CCDC102B: variants seen among roughly 807,000 people sequenced by gnomAD.
The protein encoded by CCDC102B is coiled-coil domain containing 102B, also known as coiled-coil domain-containing protein 102B.
CCDC102B carries 75 observed loss-of-function variants against 57.4 expected under a neutral mutation model. That is an observed-to-expected ratio of 1.31 (90% CI 1.08 to 1.58). The LOEUF (loss-of-function observed/expected upper bound fraction) is 1.58. Among genes scored for constraint, CCDC102B ranks in the 40% most tolerant of loss-of-function variants. The pLI is 0.00. For synonymous variants in CCDC102B, 206 were observed against 201.9 expected (o/e 1.02, Z -0.17); for missense variants, 636 against 582.6 (o/e 1.09, Z -0.94).
intron 3 of CCDC102B, among the ~76,000 whole-genome samples, chr18:68,844,045 A>G (rs1247408301): frequency 6.6e-6 from 1 of 151,998 alleles, no homozygotes. Flanking sequence ...CCCCTAACCA[A>G]ATGGTAACCT....
At chr18:68,847,538 A>C (rs2037928282) in intron 4 of CCDC102B, among the ~76,000 whole-genome samples, 1 of 151,882 alleles carries the variant, frequency 6.6e-6, no homozygotes, top group South Asian at 2.1e-4. Flanking sequence ...AATATACTGA[A>C]AAAGTCAAGT....
chr18:68,909,076 A>G (rs1028592908), intron 6 of CCDC102B, among the ~76,000 whole-genome samples: 2 of 149,106 alleles, frequency 1.3e-5, no homozygotes, highest in East Asian at 1.9e-4. Flanking sequence ...TTCCAAAGAC[A>G]TAGTTTGGCA....
chr18:68,959,539 C>T (rs1418678517), intron 6 of CCDC102B, among the ~76,000 whole-genome samples: 2 of 151,986 alleles, frequency 1.3e-5, no homozygotes, highest in African/African-American at 2.4e-5. Context: ...CCTAAGGGCT[C>T]GATATTCTGC....
chr18:69,001,332 T>A (rs192593388), intron 6 of CCDC102B, among the ~76,000 whole-genome samples: 221 of 143,228 alleles, frequency 1.5e-3, no homozygotes, highest in Non-Finnish European at 2.6e-3. Flanking sequence ...GTTGTTGTTG[T>A]TTGCTGTTGT....
At chr18:68,989,350 A>G (rs547306634) in intron 6 of CCDC102B, among the ~76,000 whole-genome samples, 1 of 152,332 alleles carries the variant, frequency 6.6e-6, no homozygotes, top group East Asian at 1.9e-4. Context: ...AAAATTACCT[A>G]TATTCTGAAA....
At chr18:68,839,917 G>A (rs1385962054) in intron 3 of CCDC102B, among the ~76,000 whole-genome samples, 1 of 152,166 alleles carries the variant, frequency 6.6e-6, no homozygotes, top group East Asian at 1.9e-4. Context: ...TCAATGGAAG[G>A]AGTGTGAAAA....
chr18:68,857,266 A>AAT (rs369148222), intron 4 of CCDC102B, among the ~76,000 whole-genome samples: 567 of 55,322 alleles, frequency 0.01, 79 homozygotes, highest in East Asian at 0.035. Context: ...TAAATATATA[A>AAT]ATATATATAT....
chr18:68,750,131 A>G (rs559032674), intron 2 of CCDC102B, among the ~76,000 whole-genome samples: 2 of 152,380 alleles, frequency 1.3e-5, no homozygotes, highest in South Asian at 4.1e-4. Context: ...GGATATGAAC[A>G]GACACTTCTC....
rs1599872491 is a variant in CCDC102B, at chr18:69,030,662, G to GT, written c.1434+19562dup. Among the ~76,000 whole-genome samples the GT allele has an allele frequency of 1.1e-4, 16 of 151,982 alleles. No individual in the cohort carries two copies. The East Asian group carries it at 1.7e-3, about 17-fold the overall frequency. ...CTCATTAACAAATGAGTATGTTTTT[G>GT]TTTTGGTTTTTGTTTTTGGAGACAC... On this transcript the variant is annotated intron_variant, in intron 7 of 7. Transcript: ENST00000360242.
At chr18:68,792,117 A>G (rs2035482508) in intron 2 of CCDC102B, among the ~76,000 whole-genome samples, 4 of 152,212 alleles carry the variant, frequency 2.6e-5, no homozygotes, top group Admixed American at 2.6e-4. Context: ...AGGAAAGAAC[A>G]GTTAACCATT....
At chr18:68,847,611 A>G (rs917680543) in intron 4 of CCDC102B, among the ~76,000 whole-genome samples, 1 of 151,886 alleles carries the variant, frequency 6.6e-6, no homozygotes, top group Non-Finnish European at 1.5e-5. Context: ...ATATTCAAAT[A>G]TGACTTTTGG....
At chr18:68,732,507 G>A (rs1199912066) in intron 2 of CCDC102B, among the ~76,000 whole-genome samples, 2 of 151,890 alleles carry the variant, frequency 1.3e-5, no homozygotes, top group Admixed American at 6.6e-5. Context: ...ATCATGCTCA[G>A]CTAATTTTTT....
At chr18:68,945,121 T>TA (rs1445606562) in intron 6 of CCDC102B, among the ~76,000 whole-genome samples, 1 of 28,728 alleles carries the variant, frequency 3.5e-5, no homozygotes, top group African/African-American at 8.9e-5. Context: ...TCTCTCTCTC[T>TA]CCACACACAC....
At chr18:68,984,038 A>C (rs2050661698) in intron 6 of CCDC102B, among the ~76,000 whole-genome samples, 1 of 152,144 alleles carries the variant, frequency 6.6e-6, no homozygotes, top group South Asian at 2.1e-4. Context: ...GTTTATCTGT[A>C]GCAACCTTTT....
At chr18:68,883,806 C>T (rs1336480056) in intron 5 of CCDC102B, among the ~76,000 whole-genome samples, 1 of 152,162 alleles carries the variant, frequency 6.6e-6, no homozygotes, top group East Asian at 1.9e-4. Context: ...GTGCCCTTCT[C>T]AAAGGAAAAT....
chr18:69,053,532 A>T (rs1195968332), intron 7 of CCDC102B, among the ~76,000 whole-genome samples: 1 of 151,846 alleles, frequency 6.6e-6, no homozygotes, highest in Non-Finnish European at 1.5e-5. Context: ...ATTACTGAAT[A>T]TGTACATTAA....
At chr18:68,920,853 G>A (rs1442892540) in intron 6 of CCDC102B, among the ~76,000 whole-genome samples, 1 of 152,088 alleles carries the variant, frequency 6.6e-6, no homozygotes. Flanking sequence ...TTTGGCACGT[G>A]GGAATTATGG....
chr18:68,790,599 CT>C lies in CCDC102B; in HGVS notation c.-66-32766del, dbSNP rs368343950. On this transcript the variant is annotated intron_variant, in intron 2 of 3. Coordinates refer to the CCDC102B transcript ENST00000578970. ...TGGGAGTGACCCGATTTTCCAGGTGCTGTCCCTCACCCCTTTCTTTGACTCG... is the reference window on the plus strand; with the variant it reads ...TGGGAGTGACCCGATTTTCCAGGTGCGTCCCTCACCCCTTTCTTTGACTCG... 6.3e-3 allele frequency among the ~76,000 whole-genome samples: 961 copies of C among 152,332 alleles called. 8 individuals are homozygous for C. The highest frequency in any genetic ancestry group is 0.021 in the African/African-American group (869 of 41,576).
At chr18:68,836,258 A>ATT (rs2144783919) in intron 1 of CCDC102B, among the ~76,000 whole-genome samples, 1 of 152,266 alleles carries the variant, frequency 6.6e-6, no homozygotes, top group South Asian at 2.1e-4. Flanking sequence ...GAATACGAGC[A>ATT]TTTTCTGTTT....
Sources: allele counts gnomAD v4.1 joint callset (sites outside exome capture counted in the v4.1 genomes callset), GRCh38; gene constraint gnomAD v4.1.1; transcripts MANE v1.5; gene names NCBI Gene and HGNC (gene_info 2026-07-23, HGNC 2026-07-21).